Variants in GADL1 observed in about 807,000 individuals in gnomAD.
GADL1 encodes acidic amino acid decarboxylase GADL1.
GADL1 carries 71 observed loss-of-function variants against 69.5 expected under a neutral mutation model. The observed-to-expected ratio is 1.02, with a 90% CI of 0.84 to 1.25. GADL1 has a LOEUF of 1.25. GADL1 is among the 50% of genes most tolerant of loss of function. The probability of loss-of-function intolerance (pLI) is 0.00; values close to 1 mark genes in which losing one functional copy is unlikely to be tolerated. For synonymous variants in GADL1, 254 were observed against 214.4 expected (o/e 1.18, Z -1.62); for missense variants, 737 against 631.8 (o/e 1.17, Z -1.79).
intron 12 of GADL1, among the ~76,000 whole-genome samples, chr3:30,795,074 C>T (rs541668839): frequency 1.9e-4 from 29 of 152,126 alleles, no homozygotes; most frequent in Non-Finnish European, 3.5e-4. Flanking sequence ...ACAATCATCA[C>T]GTGCAGCTTT....
At chr3:30,859,501 G>C (rs1451857863) in intron 2 of GADL1, among the ~76,000 whole-genome samples, 1 of 151,776 alleles carries the variant, frequency 6.6e-6, no homozygotes, top group Non-Finnish European at 1.5e-5. Context: ...GGTTTCAGGG[G>C]CTAGAGGAAA....
rs567459188 is a variant in GADL1, at chr3:30,859,834, A to G, written c.210+1759T>C. On this transcript the variant is annotated intron_variant, in intron 2 of 14. Transcript: ENST00000282538. ...ATCAAAACTTCACCTCCTTCCCCCA[A>G]CTCTAGCATAGCTTTCAATCCAACT... Among the ~76,000 whole-genome samples the G allele has an allele frequency of 4.0e-5, 6 of 151,554 alleles. No homozygotes were observed. The South Asian group carries it at 1.3e-3, about 32-fold the overall frequency.
intron 14 of GADL1, among the ~76,000 whole-genome samples, chr3:30,769,138 C>A (rs1559494262): frequency 6.6e-6 from 1 of 152,128 alleles, no homozygotes; most frequent in Non-Finnish European, 1.5e-5. Flanking sequence ...TTAAATTCAA[C>A]TGCAAGCCAC....
intron 13 of GADL1, chr3:30,779,181 C>T (rs1387007705): frequency 6.6e-6 from 1 of 152,226 alleles, no homozygotes; most frequent in African/African-American, 2.4e-5. Flanking sequence ...GCGATGACTA[C>T]TCAATGACTA....
At chr3:30,833,317 TA>T (rs1299183910) in intron 11 of GADL1, among the ~76,000 whole-genome samples, 1 of 152,058 alleles carries the variant, frequency 6.6e-6, no homozygotes, top group Non-Finnish European at 1.5e-5. Flanking sequence ...CAACTCTCCC[TA>T]GCATTCCAAA....
chr3:30,780,271 A>G (rs1348061965), intron 13 of GADL1, among the ~76,000 whole-genome samples: 4 of 152,024 alleles, frequency 2.6e-5, no homozygotes, highest in African/African-American at 9.7e-5. Flanking sequence ...TCCAGACTAG[A>G]TTTCTAGTGA....
In GADL1 at chr3:30,743,708, T is replaced by C. The variant is rs115476574; in HGVS notation, c.1393-15293A>G. 3.0e-3 allele frequency among the ~76,000 whole-genome samples: 463 copies of C among 152,330 alleles called. 1 individual carries two copies. The highest frequency in any genetic ancestry group is 0.01 in the African/African-American group (429 of 41,572). ...TCTAGTTGGTAAATGTGAGACTGAT[T>C]GTTATGGTTATTGCCTGTTAAAAAT... On this transcript the variant is annotated intron_variant, in intron 14 of 14. Coordinates refer to ENST00000282538, the MANE Select transcript of GADL1 (RefSeq NM_207359.3).
intron 12 of GADL1, among the ~76,000 whole-genome samples, chr3:30,796,926 T>C (rs1384070385): frequency 2.0e-5 from 3 of 152,194 alleles, no homozygotes; most frequent in Non-Finnish European, 4.4e-5. Flanking sequence ...GCCAAAGCCA[T>C]GTGTTTACCT....
chr3:30,879,722 T>A (rs1433540945), intron 1 of GADL1, among the ~76,000 whole-genome samples: 1 of 151,956 alleles, frequency 6.6e-6, no homozygotes, highest in Non-Finnish European at 1.5e-5. Context: ...TCCGTGACTT[T>A]GCCTGCATTA....
chr3:30,838,939 T>C, intron 9 of GADL1, 58 bp downstream of exon 9: 1 of 1,051,246 alleles, frequency 9.5e-7, no homozygotes. Context: ...GAAAAATTTC[T>C]ACCAAGGCTA....
chr3:30,843,411 A>G (rs572672757), intron 8 of GADL1, among the ~76,000 whole-genome samples: 1 of 151,964 alleles, frequency 6.6e-6, no homozygotes, highest in East Asian at 1.9e-4. Context: ...ATGCACCACC[A>G]CGCCCGGCGA....
chr3:30,770,056 C>T (rs1330135597), intron 14 of GADL1, among the ~76,000 whole-genome samples: 4 of 143,790 alleles, frequency 2.8e-5, no homozygotes, highest in African/African-American at 8.0e-5. Context: ...GCAACCCTGG[C>T]CTGCATTCCT....
rs1250544438 is a variant in GADL1 at position 30,778,364 on chromosome 3, TATC to T, written c.1303-99_1303-97del. ...ACTCTTAGCTAGTTTCTTCAAGAGTTATCATGTGTATAAAATTTTAACATCAGA... is the reference window on the plus strand; with the variant it reads ...ACTCTTAGCTAGTTTCTTCAAGAGTTATGTGTATAAAATTTTAACATCAGA... On this transcript the variant is annotated intron_variant, in intron 13 of 14. Transcript: ENST00000282538. 28 of 742,938 alleles carry T rather than the reference TATC, an allele frequency of 3.8e-5. No individual in the cohort carries two copies. The Admixed American group carries it at 4.4e-4, about 12-fold the overall frequency. The allele number at this position is 742,938 out of a possible 1,614,324, so 46.0% of individuals were successfully genotyped here.
At chr3:30,871,583 CTG>C (rs1195187598) in intron 1 of GADL1, among the ~76,000 whole-genome samples, 3 of 151,886 alleles carry the variant, frequency 2.0e-5, no homozygotes, top group Non-Finnish European at 4.4e-5. Context: ...GAAAATCACT[CTG>C]TGCATCAGCA....
chr3:30,745,415 G>A (rs530062241), intron 14 of GADL1, among the ~76,000 whole-genome samples: 19 of 152,038 alleles, frequency 1.2e-4, no homozygotes, highest in Non-Finnish European at 2.5e-4. Context: ...TTTTTATTGC[G>A]GGGGTACATT....
intron 11 of GADL1, among the ~76,000 whole-genome samples, chr3:30,805,733 C>CATT (rs1697240508): frequency 1.3e-5 from 1 of 75,692 alleles, no homozygotes; most frequent in Non-Finnish European, 2.3e-5. Context: ...CAGTCCCCAG[C>CATT]CTTTTTTTTT....
chr3:30,758,698 G>A (rs1463459147), intron 14 of GADL1, among the ~76,000 whole-genome samples: 1 of 152,206 alleles, frequency 6.6e-6, no homozygotes, highest in Non-Finnish European at 1.5e-5. Context: ...CTGAGATAAA[G>A]GTTTTCATGG....
At position 30,804,031 on chromosome 3, in the gene GADL1, A is replaced by C. The variant is rs553709692; in HGVS notation, c.1051-2943T>G. 1.1e-4 allele frequency among the ~76,000 whole-genome samples: 16 copies of C among 152,320 alleles called. No homozygotes were observed. The East Asian group carries it at 1.9e-3, about 18-fold the overall frequency. Reference sequence around the variant, plus strand: ...TGAAAAGACAAATTGCTTTATATTGATATTAATTCAACTCTCCTCAGCGGA... The same window carrying C: ...TGAAAAGACAAATTGCTTTATATTGCTATTAATTCAACTCTCCTCAGCGGA... On this transcript the variant is annotated intron_variant, in intron 11 of 14. Coordinates refer to ENST00000282538, the MANE Select transcript of GADL1 (RefSeq NM_207359.3).
intron 12 of GADL1, among the ~76,000 whole-genome samples, chr3:30,789,256 T>C (rs953244827): frequency 6.6e-6 from 1 of 152,210 alleles, no homozygotes; most frequent in African/African-American, 2.4e-5. Flanking sequence ...CCATCAGAGC[T>C]CTTGAGTTAC....
Sources: allele counts gnomAD v4.1 joint callset (sites outside exome capture counted in the v4.1 genomes callset), GRCh38; gene constraint gnomAD v4.1.1; transcripts MANE v1.5; gene names NCBI Gene and HGNC (gene_info 2026-07-23, HGNC 2026-07-21).